Variants in AFDN observed in about 807,000 individuals in gnomAD.
AFDN encodes the protein afadin, adherens junction formation factor.
In AFDN, 68 loss-of-function variants were observed where a neutral mutation model predicts 216.6. The ratio of observed to expected loss-of-function variants is 0.31; its 90% confidence interval spans 0.26 to 0.38. The LOEUF is 0.38. Ranked by LOEUF, AFDN falls within the 10% of genes least tolerant of loss-of-function variation. The pLI is 1.00. For missense variants in AFDN, 2,136 were observed against 2,342.0 expected (o/e 0.91, Z 1.82); for synonymous variants, 868 against 853.7 (o/e 1.02, Z -0.29).
intron 31 of AFDN, chr6:167,964,196 AC>A: frequency 9.4e-7 from 1 of 1,063,852 alleles, no homozygotes; most frequent in Non-Finnish European, 1.1e-6. Context: ...AAGGCGAATA[AC>A]CTATTTTTAT....
rs1206441754 is a variant in AFDN at position 167,951,325 on chromosome 6, C to G, written c.3971C>G (p.Ser1324Cys). 1 of 1,614,072 alleles carries G rather than the reference C, an allele frequency of 6.2e-7. No homozygotes were observed. The highest frequency in any genetic ancestry group is 1.3e-5 in the African/African-American group (1 of 74,930). The part of the protein sequence containing the change: ...NQSSSLDSST[S>C]SQEHLNHSSK... ...AGCTCCTCACTGGACTCCAGTACCTCTAGCCAGGAGCATCTGAACCATTCC... is the reference window on the plus strand; with the variant it reads ...AGCTCCTCACTGGACTCCAGTACCTGTAGCCAGGAGCATCTGAACCATTCC... Residue 1324 changes from serine (S) to cysteine (C), a missense_variant, in exon 30 of 34, where the codon TCT (serine) becomes TGT (cysteine). Physicochemically the swap from Ser to Cys is moderately radical, Grantham distance 112. Coordinates refer to ENST00000683244, the MANE Select transcript of AFDN (RefSeq NM_001386888.1). The surrounding 1 kb of genome is among the most constrained non-coding windows in gnomAD (Gnocchi z 7.1).
intron 5 of AFDN, among the ~76,000 whole-genome samples, 191 bp downstream of exon 5, chr6:167,875,686 G>A (rs1207376621): frequency 6.6e-6 from 1 of 151,162 alleles, no homozygotes; most frequent in Non-Finnish European, 1.5e-5. Flanking sequence ...ATAGGGATAT[G>A]TTTAGTTTCA....
chr6:167,956,244 CTATA>C (rs1796509301), intron 30 of AFDN, among the ~76,000 whole-genome samples: 1 of 151,206 alleles, frequency 6.6e-6, no homozygotes, highest in African/African-American at 2.4e-5. Context: ...AAATATGTGA[CTATA>C]TAGGGAGTGA....
chr6:167,924,306 CTT>C (rs942816193), intron 22 of AFDN, among the ~76,000 whole-genome samples: 8 of 152,100 alleles, frequency 5.3e-5, no homozygotes, highest in African/African-American at 1.9e-4. Context: ...TTTGTTTACT[CTT>C]TGGCGTATAG....
At chr6:167,888,860 A>G (rs1305187272) in intron 6 of AFDN, among the ~76,000 whole-genome samples, 1 of 152,218 alleles carries the variant, frequency 6.6e-6, no homozygotes, top group Non-Finnish European at 1.5e-5. Context: ...AAGGTGGGTT[A>G]AGGACTAGAG....
At chr6:167,950,736 A>G (rs1795874105) in intron 29 of AFDN, among the ~76,000 whole-genome samples, 1 of 152,160 alleles carries the variant, frequency 6.6e-6, no homozygotes, top group Non-Finnish European at 1.5e-5. Flanking sequence ...AGTCCAAGTC[A>G]CATGTCTGGC....
intron 30 of AFDN, among the ~76,000 whole-genome samples, chr6:167,954,682 C>T (rs528128494): frequency 9.7e-4 from 147 of 152,172 alleles, no homozygotes; most frequent in African/African-American, 3.5e-3. Flanking sequence ...CTTTGCTTTT[C>T]TCCGTTAATT....
chr6:167,828,710 A>T (rs1009334116), intron 1 of AFDN, among the ~76,000 whole-genome samples: 1 of 151,392 alleles, frequency 6.6e-6, no homozygotes, highest in Non-Finnish European at 1.5e-5. Context: ...TTTTATCACA[A>T]GGTAAAAAAA....
chr6:167,837,280 T>G (rs1406012102), intron 1 of AFDN, among the ~76,000 whole-genome samples: 1 of 152,214 alleles, frequency 6.6e-6, no homozygotes, highest in Non-Finnish European at 1.5e-5. Context: ...TTCTTTCCAT[T>G]ATTCAAATAT....
At chr6:167,969,525 C>T (rs1022537254) in intron 33 of AFDN, among the ~76,000 whole-genome samples, 1 of 152,148 alleles carries the variant, frequency 6.6e-6, no homozygotes, top group African/African-American at 2.4e-5. Flanking sequence ...CACCTGCTTG[C>T]TAAAATCTAA....
rs1173471735 is a variant in AFDN, at chr6:167,951,746, G to T, written c.4392G>T (p.Leu1464=). 1 of 1,614,146 alleles carries T rather than the reference G, an allele frequency of 6.2e-7. No homozygotes were observed. The highest frequency in any genetic ancestry group is 1.7e-5 in the Admixed American group (1 of 60,024). Residue 1464 remains leucine (L), a synonymous_variant, in exon 30 of 34, where the codon CTG becomes CTT. Transcript: ENST00000683244. The surrounding 1 kb of genome is among the most constrained non-coding windows in gnomAD (Gnocchi z 7.1). ...TAAACCCTGCTCCGTTTTCTCCCCT[G>T]ACTGCACAGCAGATGAAGCCCGAAA... ...QSLNPAPFSP[L]TAQQMKPEKP...
chr6:167,912,566 G>A (rs1252257143), intron 15 of AFDN, among the ~76,000 whole-genome samples: 1 of 152,154 alleles, frequency 6.6e-6, no homozygotes, highest in Admixed American at 6.5e-5. Context: ...ATTTTATTTG[G>A]ATACCGTTTT....
intron 27 of AFDN, 64 bp from the exon 28 acceptor site, chr6:167,947,789 T>A: frequency 3.7e-6 from 4 of 1,066,958 alleles, no homozygotes. Context: ...TAAGGAAATT[T>A]CATGTTATAT....
intron 31 of AFDN, chr6:167,963,108 T>C (rs1797202829): frequency 3.7e-6 from 4 of 1,068,192 alleles, no homozygotes; most frequent in Admixed American, 5.2e-5. Flanking sequence ...TCCTAAGTTA[T>C]TTATTTTCAT....
At chr6:167,906,937 T>C (rs1789770478) in intron 12 of AFDN, among the ~76,000 whole-genome samples, 1 of 152,258 alleles carries the variant, frequency 6.6e-6, no homozygotes, top group South Asian at 2.1e-4. Flanking sequence ...TAAAGGCAAC[T>C]CCTAGCTCTT....
At position 167,915,422 on chromosome 6, in the gene AFDN, A is replaced by C; in HGVS notation, c.2554A>C (p.Arg852=). The change falls in exon 19 of 34, where the codon AGG becomes CGG. Residue 852 remains arginine, a synonymous_variant. Transcript: ENST00000683244. ...ACTGGCTGCGGACTGTCATCTGAGC[A>C]GGATCGTGCAGGTGATTGCTGGTGC... ...LELAADCHLS[R]IVQATTLLTM... 6.2e-7 allele frequency: 1 copy of C among 1,611,814 alleles called. No individual in the cohort carries two copies. Among genetic ancestry groups the C allele is most frequent in the Non-Finnish European group, 8.5e-7 (1 of 1,178,598 alleles).
rs188591588 is a variant in AFDN at position 167,845,193 on chromosome 6, T to G, written c.105+17956T>G. Among the ~76,000 whole-genome samples the G allele has an allele frequency of 3.8e-3, 575 of 152,328 alleles. 4 individuals are homozygous for G. Among genetic ancestry groups the G allele is most frequent in the African/African-American group, 0.013 (539 of 41,582 alleles). On this transcript the variant is annotated intron_variant, in intron 1 of 33. Coordinates refer to ENST00000683244, the MANE Select transcript of AFDN (RefSeq NM_001386888.1). Reference sequence around the variant, plus strand: ...CTTTCATGAATGTTTCTTGCCATCTTTATTTTCTTTCTATGTGAAGTGCCT... The same window carrying G: ...CTTTCATGAATGTTTCTTGCCATCTGTATTTTCTTTCTATGTGAAGTGCCT...
At chr6:167,888,126 A>G (rs1407094462) in intron 6 of AFDN, among the ~76,000 whole-genome samples, 5 of 152,146 alleles carry the variant, frequency 3.3e-5, no homozygotes, top group Non-Finnish European at 7.4e-5. Flanking sequence ...GACTAAAGAG[A>G]TGAGTGAAGG....
intron 1 of AFDN, among the ~76,000 whole-genome samples, chr6:167,861,170 G>T (rs1172527736): frequency 6.6e-6 from 1 of 151,298 alleles, no homozygotes; most frequent in African/African-American, 2.4e-5. Context: ...GACTAGTTTT[G>T]ATAAGATTCT....
Sources: allele counts gnomAD v4.1 joint callset (sites outside exome capture counted in the v4.1 genomes callset), GRCh38; gene constraint gnomAD v4.1.1; non-coding constraint Gnocchi (gnomAD v3.1); transcripts MANE v1.5; gene names NCBI Gene and HGNC (gene_info 2026-07-23, HGNC 2026-07-21).